Variants in CFAP54 observed in about 807,000 individuals in gnomAD.
CFAP54 encodes the protein cilia- and flagella-associated protein 54.
In CFAP54, 290 loss-of-function variants were observed where a neutral mutation model predicts 370.4. The ratio of observed to expected loss-of-function variants is 0.78; its 90% CI spans 0.71 to 0.86. CFAP54 has a LOEUF of 0.86. Ranked by LOEUF, CFAP54 falls within the 40% of genes least tolerant of loss-of-function variation. The pLI, the probability that CFAP54 is intolerant of heterozygous loss-of-function variation, is 0.00. For missense variants in CFAP54, 3,399 were observed against 3,528.7 expected (o/e 0.96, Z 0.93); for synonymous variants, 1,206 against 1,236.5 (o/e 0.98, Z 0.52).
In CFAP54 at chr12:96,522,071, T is replaced by C. The variant is rs756454254; in HGVS notation, c.1057-17T>C. ...ATCTCATTGTTATTTCATGTATAAT[T>C]CTGCTTTTTGAGGCAGATGGCAGTG... On this transcript the variant is annotated splice_polypyrimidine_tract_variant and intron_variant, in intron 7 of 67. Transcript: ENST00000524981. 2.6e-6 allele frequency: 4 copies of C among 1,533,316 alleles called. No individual in the cohort carries two copies. Among genetic ancestry groups the C allele is most frequent in the Non-Finnish European group, 3.5e-6 (4 of 1,145,202 alleles). 95.0% of individuals were successfully genotyped at this position (1,533,316 alleles called of 1,614,324 possible).
At chr12:96,571,595 C>G (rs1955918181) in intron 19 of CFAP54, among the ~76,000 whole-genome samples, 1 of 152,076 alleles carries the variant, frequency 6.6e-6, no homozygotes, top group Admixed American at 6.6e-5. Context: ...AATGGTTTAT[C>G]TAGGTTTTGC....
At chr12:96,575,167 T>C (rs948752956) in intron 19 of CFAP54, among the ~76,000 whole-genome samples, 3 of 152,162 alleles carry the variant, frequency 2.0e-5, no homozygotes, top group African/African-American at 7.2e-5. Flanking sequence ...TTTGTGTCTT[T>C]TCTGGAGAAA....
intron 32 of CFAP54, among the ~76,000 whole-genome samples, chr12:96,641,853 T>G (rs1956732651): frequency 6.8e-6 from 1 of 148,068 alleles, no homozygotes; most frequent in Non-Finnish European, 1.5e-5. Flanking sequence ...TCGCATGTTC[T>G]CACGCATAGG....
chr12:96,826,045 A>G (rs1464388150), intron 65 of CFAP54, among the ~76,000 whole-genome samples: 3 of 144,974 alleles, frequency 2.1e-5, no homozygotes, highest in Non-Finnish European at 3.0e-5. Flanking sequence ...TATATTATAT[A>G]TATTTTATAT....
Position 96,691,188 on chromosome 12 carries a change from A to G in CFAP54, c.6142A>G (p.Ile2048Val). 1 of 1,613,692 alleles carries G rather than the reference A, an allele frequency of 6.2e-7. No individual in the cohort carries two copies. ...KAERCYAQYE[I>V]TQLLPGIELF... ...TGAACGTTGCTATGCTCAATATGAA[A>G]TCACTCAGCTTCTCCCAGGCATTGA... Residue 2048 changes from isoleucine to valine, a missense_variant, in exon 44 of 68, where the codon ATC becomes GTC. This residue lies in a region of CFAP54 where 2,796 missense variants were observed against 2,869.7 expected (regional missense o/e 0.97). Coordinates refer to ENST00000524981, the MANE Select transcript of CFAP54 (RefSeq NM_001306084.2).
intron 55 of CFAP54, among the ~76,000 whole-genome samples, chr12:96,746,979 C>A (rs1378536575): frequency 6.6e-6 from 1 of 152,156 alleles, no homozygotes; most frequent in Admixed American, 6.5e-5. Flanking sequence ...TGCTTCAACC[C>A]CCTTCTAATT....
At chr12:96,821,486 C>CCAACCTAGAAAGTGTTTCTT (rs1359858606) in intron 65 of CFAP54, among the ~76,000 whole-genome samples, 9 of 152,042 alleles carry the variant, frequency 5.9e-5, no homozygotes, top group Admixed American at 4.6e-4. Flanking sequence ...GTTTTATTCT[C>CCAACCTAGAAAGTGTTTCTT]CAACCTAGAA....
At chr12:96,753,944 C>CT (rs753579976) in intron 56 of CFAP54, 46 bp downstream of exon 56, 5 of 1,574,846 alleles carry the variant, frequency 3.2e-6, no homozygotes, top group Non-Finnish European at 4.3e-6. Flanking sequence ...TTATGGAATT[C>CT]TTTTTTCTGT....
intron 39 of CFAP54, among the ~76,000 whole-genome samples, chr12:96,675,056 G>A (rs564480800): frequency 2.0e-5 from 3 of 152,098 alleles, no homozygotes; most frequent in African/African-American, 7.2e-5. Context: ...AACACCAAAA[G>A]CAATGGCAAC....
chr12:96,534,301 G>C lies in CFAP54; in HGVS notation c.1705+74G>C, dbSNP rs1422639505. 1.1e-5 allele frequency: 10 copies of C among 870,818 alleles called. No individual in the cohort carries two copies. The East Asian group carries it at 2.7e-4, about 23-fold the overall frequency. The allele number at this position is 870,818 out of a possible 1,614,324, so 53.9% of individuals were successfully genotyped here. ...TCTTTTATAGATATGGTGAGAGAAA[G>C]GATGTTGAAGGCGGAGGGAGCAAGA... On this transcript the variant is annotated intron_variant, in intron 11 of 67. Coordinates refer to ENST00000524981, the MANE Select transcript of CFAP54 (RefSeq NM_001306084.2).
chr12:96,858,233 A>G (rs1959766975), intron 66 of CFAP54, among the ~76,000 whole-genome samples: 2 of 152,208 alleles, frequency 1.3e-5, no homozygotes, highest in South Asian at 2.1e-4. Context: ...TTTGATTTGC[A>G]TTTCTCTAAT....
chr12:96,838,938 C>T (rs1020327640), intron 66 of CFAP54, among the ~76,000 whole-genome samples: 51 of 152,178 alleles, frequency 3.4e-4, no homozygotes, highest in African/African-American at 1.2e-3. Flanking sequence ...ATAGCCGAGT[C>T]GGGCAGACTC....
At chr12:96,731,643 T>A (rs1957919472) in intron 50 of CFAP54, among the ~76,000 whole-genome samples, 1 of 150,806 alleles carries the variant, frequency 6.6e-6, no homozygotes, top group Non-Finnish European at 1.5e-5. Context: ...AATATTTAGA[T>A]TTTTTTCCTG....
chr12:96,666,759 T>A (rs1957086204), intron 39 of CFAP54, among the ~76,000 whole-genome samples: 2 of 152,146 alleles, frequency 1.3e-5, no homozygotes, highest in South Asian at 2.1e-4. Context: ...ACCATATCAT[T>A]CTGCCCCTGA....
chr12:96,775,782 T>C (rs758164852), intron 60 of CFAP54, among the ~76,000 whole-genome samples: 9 of 152,208 alleles, frequency 5.9e-5, no homozygotes, highest in African/African-American at 9.6e-5. Context: ...CCGCTTTTGT[T>C]TCACTTTTTG....
intron 66 of CFAP54, 76 bp from the exon 67 acceptor site, chr12:96,860,743 C>G (rs1363020138): frequency 7.5e-7 from 1 of 1,341,178 alleles, no homozygotes; most frequent in Non-Finnish European, 9.8e-7. Context: ...TTAGAAATTG[C>G]TATTTGGGTA....
At chr12:96,704,452 GTATATA>G (rs71068825) in intron 46 of CFAP54, among the ~76,000 whole-genome samples, 5,476 of 60,466 alleles carry the variant, frequency 0.091, 391 homozygotes, top group Non-Finnish European at 0.11. Flanking sequence ...ATGTATGTGT[GTATATA>G]TATATATATA....
At chr12:96,633,445 A>G (rs1956630072) in intron 32 of CFAP54, among the ~76,000 whole-genome samples, 1 of 152,166 alleles carries the variant, frequency 6.6e-6, no homozygotes, top group Non-Finnish European at 1.5e-5. Context: ...CCTTATTTGG[A>G]TTACAGCAAG....
rs138962049 is a variant in CFAP54 at position 96,588,538 on chromosome 12, C to G, written c.3076-889C>G. ...ACACAGACTAGAAACTTCATAAAAG[C>G]TTACTGGTTGGAGATCATGAGTATT... On this transcript the variant is annotated intron_variant, in intron 22 of 67. Transcript: ENST00000524981. 3.5e-3 allele frequency among the ~76,000 whole-genome samples: 529 copies of G among 152,270 alleles called. 1 individual carries two copies. Among genetic ancestry groups the G allele is most frequent in the Non-Finnish European group, 5.8e-3 (393 of 68,008 alleles).
Sources: gnomAD v4.1 joint callset for allele counts (sites outside exome capture counted in the v4.1 genomes callset) on GRCh38, gnomAD v4.1.1 for gene constraint, gnomAD v4.1.1 regional missense constraint, MANE v1.5 for transcripts, NCBI Gene and HGNC (gene_info 2026-07-23, HGNC 2026-07-21) for gene names.